SH3RF1: variants seen among roughly 807,000 people sequenced by gnomAD.
SH3RF1 encodes SH3 domain containing ring finger 1.
In SH3RF1, 32 loss-of-function variants were observed where a neutral mutation model predicts 74.0. That is an observed-to-expected ratio of 0.43 (90% CI 0.33 to 0.58). The LOEUF is 0.58. Among genes scored for constraint, SH3RF1 ranks in the 20% least tolerant of loss-of-function variants. The pLI, the probability that SH3RF1 is intolerant of heterozygous loss-of-function variation, is 0.05. For missense variants in SH3RF1, 954 were observed against 1,130.9 expected, an observed-to-expected ratio of 0.84 and a Z score of 2.24; for synonymous variants, 396 against 439.6, an observed-to-expected ratio of 0.90 and a Z score of 1.24.
At chr4:169,136,295 A>T in intron 5 of SH3RF1, 23 bp downstream of exon 5, 1 of 1,388,596 alleles carries the variant, frequency 7.2e-7, no homozygotes, top group South Asian at 2.0e-5. Flanking sequence ...CTCTTTTTAT[A>T]TAACACTTGT....
chr4:169,206,995 G>A (rs554589496), intron 2 of SH3RF1, among the ~76,000 whole-genome samples: 1 of 151,656 alleles, frequency 6.6e-6, no homozygotes, highest in African/African-American at 2.4e-5. Flanking sequence ...GGTTTCACTC[G>A]TCACCCAGGC....
intron 2 of SH3RF1, among the ~76,000 whole-genome samples, chr4:169,158,522 A>G (rs1248305199): frequency 6.6e-6 from 1 of 152,222 alleles, no homozygotes; most frequent in African/African-American, 2.4e-5. Flanking sequence ...TCTTCTGGTA[A>G]TGGTAAGTCA....
chr4:169,212,652 C>A (rs1042246695), intron 2 of SH3RF1, among the ~76,000 whole-genome samples: 1 of 152,136 alleles, frequency 6.6e-6, no homozygotes, highest in African/African-American at 2.4e-5. Flanking sequence ...CAATCAATAT[C>A]CCTAACCAAA....
chr4:169,105,997 TTTTTTTTGCAA>T (rs1333298954), intron 11 of SH3RF1, among the ~76,000 whole-genome samples: 1 of 146,984 alleles, frequency 6.8e-6, no homozygotes, highest in Non-Finnish European at 1.5e-5. Flanking sequence ...ATATTGTGAA[TTTTTTTTGCAA>T]TTTTTTTTTA....
chr4:169,263,135 G>A (rs1417820763), intron 2 of SH3RF1, among the ~76,000 whole-genome samples: 1 of 151,640 alleles, frequency 6.6e-6, no homozygotes, highest in East Asian at 1.9e-4. Flanking sequence ...CCATCTGTGC[G>A]AAGACAACAA....
chr4:169,268,826 T>C lies in SH3RF1; in HGVS notation c.387A>G (p.Pro129=). The C allele has an allele frequency of 1.3e-6, 2 of 1,592,756 alleles. No homozygotes were observed. Among genetic ancestry groups the C allele is most frequent in the East Asian group, 2.2e-5 (1 of 44,766 alleles). The change falls in exon 2 of 12, where the codon CCA becomes CCG. Residue 129 remains proline (P), a synonymous_variant. Transcript: ENST00000284637. ...QQPRVQSWSP[P]VRGIPQLPCA... ...ACCTCTGTAGGCTACTTACCCTCAC[T>C]GGGGGGCTCCAGGATTGCACCCGAG...
intron 2 of SH3RF1, among the ~76,000 whole-genome samples, chr4:169,184,083 GCAAATTCACTCACATGA>G (rs1734564933): frequency 2.0e-5 from 3 of 152,158 alleles, no homozygotes; most frequent in African/African-American, 7.2e-5. Flanking sequence ...GAGGACTAAT[GCAAATTCACTCACATGA>G]ATGCATGGAC....
intron 2 of SH3RF1, among the ~76,000 whole-genome samples, chr4:169,188,604 G>A (rs1293838466): frequency 6.6e-6 from 1 of 152,174 alleles, no homozygotes; most frequent in Non-Finnish European, 1.5e-5. Context: ...ATGTACTTGT[G>A]ATCGTTGTAA....
intron 2 of SH3RF1, among the ~76,000 whole-genome samples, chr4:169,174,765 A>C (rs1734390399): frequency 6.6e-6 from 1 of 152,058 alleles, no homozygotes; most frequent in African/African-American, 2.4e-5. Flanking sequence ...ACCCCAAACC[A>C]ATTAAATAAA....
intron 2 of SH3RF1, among the ~76,000 whole-genome samples, chr4:169,159,133 T>G (rs1734109304): frequency 6.6e-6 from 1 of 152,182 alleles, no homozygotes; most frequent in Non-Finnish European, 1.5e-5. Flanking sequence ...TGTAAGCAAT[T>G]CTGCTGTGCC....
chr4:169,095,876 C>T lies in SH3RF1; in HGVS notation c.*643G>A, dbSNP rs1224702993. ...ACCAAACTAGAAAGAGAGGGAATCACTAACTTCTCTTCTCTCAAGTTTCTG... is the reference window on the plus strand; with the variant it reads ...ACCAAACTAGAAAGAGAGGGAATCATTAACTTCTCTTCTCTCAAGTTTCTG... On this transcript the variant is annotated 3_prime_UTR_variant, in exon 12 of 12. Transcript: ENST00000284637. 3.3e-5 allele frequency: 5 copies of T among 152,216 alleles called. No homozygotes were observed. The highest frequency in any genetic ancestry group is 7.3e-5 in the Non-Finnish European group (5 of 68,044). 9.4% of individuals were successfully genotyped at this position (152,216 alleles called of 1,614,324 possible).
intron 2 of SH3RF1, among the ~76,000 whole-genome samples, chr4:169,240,122 C>T (rs987889745): frequency 6.6e-6 from 1 of 152,148 alleles, no homozygotes; most frequent in Non-Finnish European, 1.5e-5. Context: ...CAAGGTATTT[C>T]TTAAAATAAT....
intron 10 of SH3RF1, among the ~76,000 whole-genome samples, chr4:169,109,024 G>C (rs1188087744): frequency 6.6e-6 from 1 of 152,222 alleles, no homozygotes; most frequent in Non-Finnish European, 1.5e-5. Flanking sequence ...GAAGTGGTCT[G>C]ACTAAACACC....
intron 4 of SH3RF1, among the ~76,000 whole-genome samples, chr4:169,148,199 C>T (rs1733923556): frequency 6.6e-6 from 1 of 152,134 alleles, no homozygotes. Context: ...ATTAGGAATG[C>T]TAGTTATTGA....
At chr4:169,175,803 C>G (rs1026903861) in intron 2 of SH3RF1, among the ~76,000 whole-genome samples, 15 of 152,166 alleles carry the variant, frequency 9.9e-5, no homozygotes, top group African/African-American at 3.4e-4. Flanking sequence ...ATGCATTTTG[C>G]ACTATTTGTA....
chr4:169,098,203 T>C (rs761680843), intron 11 of SH3RF1, among the ~76,000 whole-genome samples: 1 of 152,242 alleles, frequency 6.6e-6, no homozygotes, highest in Admixed American at 6.5e-5. Flanking sequence ...AGATATCTAA[T>C]AAATACATCT....
intron 2 of SH3RF1, among the ~76,000 whole-genome samples, chr4:169,218,137 T>G (rs1313029695): frequency 2.7e-5 from 4 of 147,736 alleles, no homozygotes; most frequent in South Asian, 2.1e-4. Flanking sequence ...GTAATATATA[T>G]TATTATATAT....
chr4:169,180,872 A>G (rs1260180481), intron 2 of SH3RF1, among the ~76,000 whole-genome samples: 1 of 152,180 alleles, frequency 6.6e-6, no homozygotes, highest in Non-Finnish European at 1.5e-5. Flanking sequence ...ATAAGAAAAT[A>G]TTGTTAAATA....
At chr4:169,195,331 C>T (rs375198549) in intron 2 of SH3RF1, among the ~76,000 whole-genome samples, 1 of 152,180 alleles carries the variant, frequency 6.6e-6, no homozygotes, top group Non-Finnish European at 1.5e-5. Flanking sequence ...CTTTTTCCCC[C>T]CACTCTGGTT....
Sources: gnomAD v4.1 joint callset for allele counts (sites outside exome capture counted in the v4.1 genomes callset) on GRCh38, gnomAD v4.1.1 for gene constraint, MANE v1.5 for transcripts, NCBI Gene and HGNC (gene_info 2026-07-23, HGNC 2026-07-21) for gene names.